NPAS3: variants seen among roughly 807,000 people sequenced by gnomAD.
NPAS3 encodes the protein neuronal PAS domain protein 3.
Under a neutral mutation model 73.1 loss-of-function variants are expected in NPAS3, and 14 were observed. That is an observed-to-expected ratio of 0.19 (90% CI 0.13 to 0.30). The LOEUF is 0.30. Ranked by LOEUF, NPAS3 falls within the 10% of genes least tolerant of loss-of-function variation. NPAS3 has a pLI of 1.00. For missense variants in NPAS3, 1,096 were observed against 1,250.0 expected (o/e 0.88, Z 1.86); for synonymous variants, 620 against 541.5 (o/e 1.14, Z -2.01).
chr14:33,755,638 A>C (rs899430433), intron 7 of NPAS3, among the ~76,000 whole-genome samples: 7 of 152,110 alleles, frequency 4.6e-5, no homozygotes, highest in African/African-American at 1.7e-4. Context: ...CACTTAGGTT[A>C]ATGTTAAGAT....
At chr14:33,530,941 G>A (rs985613205) in intron 4 of NPAS3, among the ~76,000 whole-genome samples, 6 of 152,018 alleles carry the variant, frequency 3.9e-5, no homozygotes, top group Non-Finnish European at 7.4e-5. Context: ...TGGTTTCCTC[G>A]CAGGATGCTC....
At chr14:33,654,147 C>A (rs920373341) in intron 5 of NPAS3, among the ~76,000 whole-genome samples, 25 of 150,820 alleles carry the variant, frequency 1.7e-4, no homozygotes, top group Non-Finnish European at 3.7e-4. Flanking sequence ...GGGTTAGGAA[C>A]AAAACCTTAG....
intron 5 of NPAS3, chr14:33,578,103 A>G (rs989800692): frequency 6.6e-6 from 3 of 454,794 alleles, no homozygotes; most frequent in Non-Finnish European, 1.3e-5. Flanking sequence ...GTTACTGCTC[A>G]CAGATCCCTT....
chr14:33,110,809 C>T (rs1296536677), intron 2 of NPAS3, among the ~76,000 whole-genome samples: 1 of 152,054 alleles, frequency 6.6e-6, no homozygotes, highest in African/African-American at 2.4e-5. Flanking sequence ...CTAGTTGAAC[C>T]CGGAGAGTTT....
chr14:33,518,672 C>T (rs1017858390), intron 4 of NPAS3, among the ~76,000 whole-genome samples: 1 of 147,500 alleles, frequency 6.8e-6, no homozygotes, highest in South Asian at 2.1e-4. Context: ...ATCCTCCTTC[C>T]TCCACCCTTT....
intron 7 of NPAS3, among the ~76,000 whole-genome samples, chr14:33,749,000 T>G (rs1397550253): frequency 6.6e-6 from 1 of 152,158 alleles, no homozygotes; most frequent in Non-Finnish European, 1.5e-5. Context: ...TTTAACCAAA[T>G]GAACGCCATG....
intron 3 of NPAS3, among the ~76,000 whole-genome samples, chr14:33,239,197 G>C (rs1468753498): frequency 1.3e-5 from 2 of 151,822 alleles, no homozygotes; most frequent in Non-Finnish European, 2.9e-5. Context: ...AGAAACATTG[G>C]TTTTCTTTTA....
chr14:33,554,662 G>T (rs1203253550), intron 4 of NPAS3, among the ~76,000 whole-genome samples: 2 of 152,126 alleles, frequency 1.3e-5, no homozygotes, highest in African/African-American at 4.8e-5. Flanking sequence ...TTCTGTACTG[G>T]AATGTCAAAG....
At chr14:33,703,678 A>T (rs139985581) in intron 6 of NPAS3, among the ~76,000 whole-genome samples, 112 of 152,278 alleles carry the variant, frequency 7.4e-4, no homozygotes, top group African/African-American at 2.3e-3. Context: ...GATAAAATTA[A>T]CAACAACAAT....
chr14:33,617,733 T>C (rs1320471652), intron 5 of NPAS3, among the ~76,000 whole-genome samples: 4 of 152,214 alleles, frequency 2.6e-5, no homozygotes, highest in Admixed American at 1.3e-4. Context: ...TCAAGGGCTG[T>C]GCCACATTAG....
At chr14:33,009,409 A>G (rs530853877) in intron 1 of NPAS3, among the ~76,000 whole-genome samples, 1 of 152,226 alleles carries the variant, frequency 6.6e-6, no homozygotes, top group South Asian at 2.1e-4. Flanking sequence ...TTGGATTGAT[A>G]TGGGAAGATG....
At chr14:33,252,818 A>C (rs535513475) in intron 3 of NPAS3, among the ~76,000 whole-genome samples, 1 of 151,054 alleles carries the variant, frequency 6.6e-6, no homozygotes, top group Non-Finnish European at 1.5e-5. Context: ...TGGAGTCCCC[A>C]GTCTGTATTA....
At chr14:33,478,532 G>A (rs1411285755) in intron 4 of NPAS3, among the ~76,000 whole-genome samples, 2 of 152,086 alleles carry the variant, frequency 1.3e-5, no homozygotes, top group East Asian at 3.9e-4. Flanking sequence ...TTAGAACTCT[G>A]CCAGTCTCCC....
chr14:33,457,267 A>G (rs562538488), intron 4 of NPAS3, among the ~76,000 whole-genome samples: 8 of 152,174 alleles, frequency 5.3e-5, no homozygotes, highest in Non-Finnish European at 1.0e-4. Flanking sequence ...GAGCTCAGCA[A>G]TTTTCTTTTA....
chr14:33,205,420 A>C (rs1234020264), intron 2 of NPAS3, among the ~76,000 whole-genome samples: 1 of 152,192 alleles, frequency 6.6e-6, no homozygotes, highest in African/African-American at 2.4e-5. Context: ...ATAAGTTAGC[A>C]TGGGCCTAAA....
At chr14:33,622,041 A>G (rs932327439) in intron 5 of NPAS3, among the ~76,000 whole-genome samples, 1 of 152,228 alleles carries the variant, frequency 6.6e-6, no homozygotes, top group Non-Finnish European at 1.5e-5. Context: ...ATGAATGACC[A>G]GTATCCAGCA....
chr14:33,618,429 T>A (rs1306056504), intron 5 of NPAS3, among the ~76,000 whole-genome samples: 1 of 152,154 alleles, frequency 6.6e-6, no homozygotes, highest in Non-Finnish European at 1.5e-5. Context: ...CCTTAAGTAG[T>A]TGCAACCTAG....
intron 3 of NPAS3, among the ~76,000 whole-genome samples, chr14:33,254,547 G>T (rs1290313542): frequency 6.6e-6 from 1 of 152,048 alleles, no homozygotes; most frequent in East Asian, 1.9e-4. Flanking sequence ...TATCCTCAAA[G>T]CCTACGGTAG....
chr14:33,561,961 T>C (rs1451030868), intron 5 of NPAS3, among the ~76,000 whole-genome samples: 1 of 152,232 alleles, frequency 6.6e-6, no homozygotes, highest in Non-Finnish European at 1.5e-5. Context: ...GATGGCTCTG[T>C]ATGCTTAGAC....
Sources: allele counts gnomAD v4.1 joint callset (sites outside exome capture counted in the v4.1 genomes callset), GRCh38; gene constraint gnomAD v4.1.1; transcripts MANE v1.5; gene names NCBI Gene and HGNC (gene_info 2026-07-23, HGNC 2026-07-21).